Variants in SYNPR observed in about 807,000 individuals in gnomAD.
SYNPR encodes synaptoporin.
Under a neutral mutation model 32.9 loss-of-function variants are expected in SYNPR, and 23 were observed. The observed-to-expected ratio is 0.70, with a 90% confidence interval of 0.50 to 0.99. SYNPR has a LOEUF of 0.99. Ranked by LOEUF, SYNPR falls within the 50% of genes least tolerant of loss-of-function variation. The pLI, the probability that SYNPR is intolerant of heterozygous loss-of-function variation, is 0.00. For synonymous variants in SYNPR, 146 were observed against 135.9 expected, an observed-to-expected ratio of 1.07 and a Z score of -0.52; for missense variants, 318 against 349.3, an observed-to-expected ratio of 0.91 and a Z score of 0.71.
chr3:63,315,834 C>A (rs918444692), intron 2 of SYNPR, among the ~76,000 whole-genome samples: 1 of 151,942 alleles, frequency 6.6e-6, no homozygotes, highest in Admixed American at 6.6e-5. Context: ...AGAGGGAACG[C>A]TTTTAACTTT....
At chr3:63,517,118 C>T (rs1701815165) in intron 3 of SYNPR, among the ~76,000 whole-genome samples, 1 of 152,126 alleles carries the variant, frequency 6.6e-6, no homozygotes, top group Middle Eastern at 3.4e-3. Flanking sequence ...AATTCCTAGA[C>T]CTAGATGTTT....
Position 63,461,350 on chromosome 3 carries a change from T to G in SYNPR, c.85-19482T>G, listed in dbSNP as rs1700582076. On this transcript the variant is annotated intron_variant, in intron 2 of 5. Coordinates refer to ENST00000478300, the MANE Select transcript of SYNPR (RefSeq NM_001130003.2). ...ACATTACCCAGCTCCTCCTACTCCC[T>G]CTGGCATTTGTCTACCAGTTCTTTC... Among the ~76,000 whole-genome samples, 3 of 152,156 alleles carry G rather than the reference T, an allele frequency of 2.0e-5. No homozygotes were observed. In the South Asian group the frequency reaches 6.2e-4, roughly 31 times the overall value.
At position 63,602,111 on chromosome 3, in the gene SYNPR, T is replaced by C. The variant is rs149902088; in HGVS notation, c.409-7014T>C. On this transcript the variant is annotated intron_variant, in intron 4 of 5. Transcript: ENST00000478300. Reference sequence around the variant, plus strand: ...CTAATGATTAGTGATGTTGGGCACTTTTTCATATGCTTCTTGGCCATATGT... The same window carrying C: ...CTAATGATTAGTGATGTTGGGCACTCTTTCATATGCTTCTTGGCCATATGT... 1.7e-3 allele frequency among the ~76,000 whole-genome samples: 264 copies of C among 152,362 alleles called. 1 individual carries two copies. The highest frequency in any genetic ancestry group is 3.5e-3 in the South Asian group (17 of 4,830).
Position 63,556,636 on chromosome 3 carries a change from C to A in SYNPR, c.303C>A (p.Phe101Leu), listed in dbSNP as rs769067560. 5.6e-6 allele frequency: 9 copies of A among 1,613,860 alleles called. No homozygotes were observed. In the South Asian group the frequency reaches 9.9e-5, roughly 18 times the overall value. ...GTGACTCCTCGTCTTCAGCAGAGTT[C>A]TTCGTCACTGTTGCTGTCTTCGCCT... ...LIGDSSSSAE[F>L]FVTVAVFAFL... Residue 101 changes from phenylalanine to leucine, a missense_variant, in exon 4 of 6, where the codon TTC (phenylalanine) becomes TTA (leucine). By Grantham distance (22) the Phe-to-Leu change is conservative. Coordinates refer to ENST00000478300, the MANE Select transcript of SYNPR (RefSeq NM_001130003.2).
chr3:63,208,214 C>G, the SYNPR span, among the ~76,000 whole-genome samples: 1 of 152,124 alleles, frequency 6.6e-6, no homozygotes, highest in Non-Finnish European at 1.5e-5. Flanking sequence ...GAGTGATGCC[C>G]TTCTTTGAAT....
intron 4 of SYNPR, among the ~76,000 whole-genome samples, chr3:63,600,611 T>A (rs1408021894): frequency 2.6e-5 from 4 of 152,312 alleles, no homozygotes; most frequent in Admixed American, 1.3e-4. Context: ...AATTGGATCA[T>A]GGGGGCAGTT....
chr3:63,554,211 C>A (rs1435195040), intron 3 of SYNPR, among the ~76,000 whole-genome samples: 1 of 152,200 alleles, frequency 6.6e-6, no homozygotes, highest in East Asian at 1.9e-4. Flanking sequence ...TGCAGAAACT[C>A]TTCAGCTTAA....
At chr3:63,245,415 G>T (rs1324535734) in intron 1 of SYNPR, among the ~76,000 whole-genome samples, 3 of 151,854 alleles carry the variant, frequency 2.0e-5, no homozygotes, top group Admixed American at 1.3e-4. Flanking sequence ...TTTGATAAAG[G>T]TTTGTATTTT....
upstream of SYNPR, among the ~76,000 whole-genome samples, chr3:63,274,253 C>T (rs1432829581): frequency 6.6e-6 from 1 of 152,150 alleles, no homozygotes. Flanking sequence ...GGTATATTTT[C>T]CTATGAGAAC....
intron 3 of SYNPR, among the ~76,000 whole-genome samples, chr3:63,547,129 TTC>T (rs1240523362): frequency 6.6e-6 from 1 of 152,118 alleles, no homozygotes; most frequent in East Asian, 1.9e-4. Flanking sequence ...CGTTTTATAT[TTC>T]TGTTTGCTTT....
At chr3:63,263,087 G>A (rs376703251) in intron 2 of SYNPR, among the ~76,000 whole-genome samples, 72 of 152,328 alleles carry the variant, frequency 4.7e-4, no homozygotes, top group African/African-American at 1.7e-3. Flanking sequence ...GAAGAGGGCA[G>A]CCTTACATAG....
chr3:63,375,995 T>G (rs1199937192), intron 2 of SYNPR, among the ~76,000 whole-genome samples: 3 of 152,178 alleles, frequency 2.0e-5, no homozygotes, highest in South Asian at 2.1e-4. Flanking sequence ...CACCAACCAC[T>G]CAACTAGACA....
At chr3:63,282,594 G>A (rs2086640296) in intron 2 of SYNPR, among the ~76,000 whole-genome samples, 1 of 151,210 alleles carries the variant, frequency 6.6e-6, no homozygotes, top group Non-Finnish European at 1.5e-5. Context: ...GAGGTGGGAG[G>A]ATCGCTTGAG....
intron 2 of SYNPR, among the ~76,000 whole-genome samples, chr3:63,406,773 C>T (rs750112986): frequency 3.3e-5 from 5 of 152,120 alleles, no homozygotes; most frequent in East Asian, 1.9e-4. Flanking sequence ...ACATTGTTGC[C>T]TAGTTCCTTG....
intron 2 of SYNPR, among the ~76,000 whole-genome samples, chr3:63,254,380 C>G (rs550851386): frequency 6.6e-6 from 1 of 152,216 alleles, no homozygotes; most frequent in African/African-American, 2.4e-5. Flanking sequence ...AACTGTAGGT[C>G]AAGATCTACT....
chr3:63,359,099 T>A (rs2087623508), intron 2 of SYNPR, among the ~76,000 whole-genome samples: 1 of 152,196 alleles, frequency 6.6e-6, no homozygotes, highest in African/African-American at 2.4e-5. Context: ...TCAAAATATG[T>A]GTATTAAACT....
intron 2 of SYNPR, among the ~76,000 whole-genome samples, chr3:63,406,167 A>G (rs2088356734): frequency 6.6e-6 from 1 of 151,856 alleles, no homozygotes; most frequent in Non-Finnish European, 1.5e-5. Context: ...TGAGGATAAC[A>G]TTCAAGTCTT....
chr3:63,366,965 T>C (rs1485155477), intron 2 of SYNPR, among the ~76,000 whole-genome samples: 1 of 152,198 alleles, frequency 6.6e-6, no homozygotes, highest in Non-Finnish European at 1.5e-5. Flanking sequence ...GCAGTAGCAA[T>C]AGTGTGTGCC....
chr3:63,390,346 G>A (rs962811664), intron 2 of SYNPR, among the ~76,000 whole-genome samples: 1 of 152,192 alleles, frequency 6.6e-6, no homozygotes, highest in Non-Finnish European at 1.5e-5. Context: ...ACCCAGGAAA[G>A]GAGGAATGAA....
Sources: gnomAD v4.1 joint callset for allele counts (sites outside exome capture counted in the v4.1 genomes callset) on GRCh38, gnomAD v4.1.1 for gene constraint, MANE v1.5 for transcripts, NCBI Gene and HGNC (gene_info 2026-07-23, HGNC 2026-07-21) for gene names.